CCDC32: variants seen among roughly 807,000 people sequenced by gnomAD.
The protein encoded by CCDC32 is coiled-coil domain containing 32, also known as coiled-coil domain-containing protein 32.
Under a neutral mutation model 20.1 loss-of-function variants are expected in CCDC32, and 9 were observed. The ratio of observed to expected loss-of-function variants is 0.45; its 90% CI spans 0.27 to 0.78. The LOEUF (loss-of-function observed/expected upper bound fraction) is 0.78, where lower values mean the gene tolerates loss of function less well. Among genes scored for constraint, CCDC32 ranks in the 30% least tolerant of loss-of-function variants. CCDC32 has a pLI of 0.16. For synonymous variants in CCDC32, 63 were observed against 79.0 expected, an observed-to-expected ratio of 0.80 and a Z score of 1.07; for missense variants, 204 against 215.5, an observed-to-expected ratio of 0.95 and a Z score of 0.33.
At chr15:40,557,031 T>G in intron 3 of CCDC32, 185 bp downstream of exon 3, 1 of 578,422 alleles carries the variant, frequency 1.7e-6, no homozygotes, top group Non-Finnish European at 2.9e-6. Context: ...TCAAGTTCAT[T>G]GCATACTTAA....
chr15:40,525,764 A>G (rs1016574858), downstream of CCDC32, among the ~76,000 whole-genome samples: 1 of 152,166 alleles, frequency 6.6e-6, no homozygotes, highest in African/African-American at 2.4e-5. Flanking sequence ...TTCAGGATTC[A>G]GCCACAGGTG....
At chr15:40,523,693 A>C (rs975902047), downstream of CCDC32, among the ~76,000 whole-genome samples, 2 of 152,330 alleles carry the variant, frequency 1.3e-5, no homozygotes, top group South Asian at 2.1e-4. Context: ...GTCAATAAAC[A>C]AATGAAAATA....
chr15:40,524,146 CTTTTTT>C (rs66753325), downstream of CCDC32, among the ~76,000 whole-genome samples: 2 of 89,176 alleles, frequency 2.2e-5, no homozygotes, highest in Non-Finnish European at 4.3e-5. Context: ...CATGCATAAT[CTTTTTT>C]TTTTTTTTTT....
downstream of CCDC32, among the ~76,000 whole-genome samples, chr15:40,533,538 G>A (rs943524700): frequency 4.6e-5 from 7 of 151,796 alleles, no homozygotes; most frequent in Non-Finnish European, 1.0e-4. Context: ...TAGAGACGGA[G>A]TTTCACCATA....
chr15:40,560,956 A>T (rs1890579512), intron 2 of CCDC32, among the ~76,000 whole-genome samples: 1 of 152,252 alleles, frequency 6.6e-6, no homozygotes, highest in Admixed American at 6.5e-5. Context: ...TATGGAACCA[A>T]CCTAAGTGCC....
At chr15:40,564,820 G>C (rs762080665) in intron 1 of CCDC32, 156 bp downstream of exon 1, 1 of 1,614,004 alleles carries the variant, frequency 6.2e-7, no homozygotes, top group Non-Finnish European at 8.5e-7. Flanking sequence ...AACCACGCAG[G>C]AAATTCCGGC....
At chr15:40,552,771 C>CAAAAAAAAAAAAAAAAAAAAAAAAAAA (rs10675441), downstream of CCDC32, 6 of 68,778 alleles carry the variant, frequency 8.7e-5, 3 homozygotes, top group Non-Finnish European at 1.1e-4. Context: ...AGTGCGACCT[C>CAAAAAAAAAAAAAAAAAAAAAAAAAAA]AAAAAAAAAA....
At chr15:40,561,256 C>T (rs1248703297) in intron 2 of CCDC32, among the ~76,000 whole-genome samples, 2 of 152,024 alleles carry the variant, frequency 1.3e-5, no homozygotes, top group African/African-American at 4.8e-5. Flanking sequence ...GGGTGGATCA[C>T]GAAGTCAGGA....
intron 2 of CCDC32, among the ~76,000 whole-genome samples, chr15:40,561,493 C>T (rs11629711): frequency 0.58 from 86,960 of 149,384 alleles, 25,516 homozygotes; most frequent in East Asian, 0.75. Flanking sequence ...AACAAAACAA[C>T]AACCAAAAAA....
At chr15:40,557,557 A>C in intron 2 of CCDC32, 185 bp from the exon 3 acceptor site, 1 of 552,402 alleles carries the variant, frequency 1.8e-6, no homozygotes, top group East Asian at 3.2e-5. Flanking sequence ...TTCCTTCACA[A>C]AGTCCTCACC....
the CCDC32 span, among the ~76,000 whole-genome samples, chr15:40,522,828 CTTTTT>C: frequency 1.5e-5 from 2 of 131,186 alleles, no homozygotes; most frequent in Non-Finnish European, 1.6e-5. Flanking sequence ...GTTTTCCTTT[CTTTTT>C]TTTTTTTTTT....
In CCDC32 at chr15:40,562,865, C is replaced by T. The variant is rs768320803; in HGVS notation, c.151G>A (p.Glu51Lys). ...DSFVDSCPEG[E>K]GQREVADFAV... ...AAGTCAGCCACCTCCCTCTGGCCTT[C>T]ACCTTCAGGGCAAGAATCCACAAAG... The change falls in exon 2 of 4, where the codon GAA (glutamate) becomes AAA (lysine). Residue 51 changes from glutamate (E) to lysine (K), a missense_variant. Glu to Lys is a moderately conservative substitution (Grantham distance 56). Transcript: ENST00000416810. 1.9e-6 allele frequency: 3 copies of T among 1,614,202 alleles called. No homozygotes were observed. In the South Asian group the frequency reaches 3.3e-5, roughly 18 times the overall value.
intron 2 of CCDC32, chr15:40,558,065 CTT>C (rs1167824595): frequency 6.6e-6 from 1 of 152,190 alleles, no homozygotes; most frequent in Non-Finnish European, 1.5e-5. Context: ...TTAAATTACT[CTT>C]GTTTGCATTT....
downstream of CCDC32, among the ~76,000 whole-genome samples, chr15:40,549,044 C>T (rs894480028): frequency 3.3e-5 from 5 of 152,102 alleles, no homozygotes; most frequent in Admixed American, 2.0e-4. Flanking sequence ...AAAGAAAAAC[C>T]ATTTCACATA....
chr15:40,556,477 T>C (rs1219014353), intron 3 of CCDC32: 1 of 152,226 alleles, frequency 6.6e-6, no homozygotes, highest in African/African-American at 2.4e-5. Flanking sequence ...TATCACACAG[T>C]GGATGCTTAA....
chr15:40,534,904 A>G (rs1254345784), downstream of CCDC32: 2 of 702,486 alleles, frequency 2.8e-6, no homozygotes, highest in Admixed American at 4.0e-5. Context: ...ATGGGCTCAG[A>G]ATGGTCTTGG....
rs1890023833 is a variant in CCDC32 at position 40,553,721 on chromosome 15, G to A, written c.*250C>T. On this transcript the variant is annotated 3_prime_UTR_variant, in exon 4 of 4. Coordinates refer to ENST00000416810, the MANE Select transcript of CCDC32 (RefSeq NM_001080792.4). ...CAGAGGAAAGCAGCATTTTGATCCAGTGTGCACTGGGTCAGTCACTTCATC... is the reference window on the plus strand; with the variant it reads ...CAGAGGAAAGCAGCATTTTGATCCAATGTGCACTGGGTCAGTCACTTCATC... 7.7e-7 allele frequency: 1 copy of A among 1,296,318 alleles called. No homozygotes were observed. Among genetic ancestry groups the A allele is most frequent in the Non-Finnish European group, 9.8e-7 (1 of 1,021,872 alleles). 80.3% of individuals were successfully genotyped at this position (1,296,318 alleles called of 1,614,324 possible). A position where few individuals can be genotyped will look rare whatever the true frequency, so the allele number is the denominator to read the frequency against.
At chr15:40,555,519 T>G (rs779584640) in intron 3 of CCDC32, among the ~76,000 whole-genome samples, 2 of 152,162 alleles carry the variant, frequency 1.3e-5, no homozygotes, top group Non-Finnish European at 2.9e-5. Flanking sequence ...TCTTCAAATC[T>G]CCTATGTTTG....
chr15:40,526,027 A>G (rs938787482), downstream of CCDC32, among the ~76,000 whole-genome samples: 8 of 150,946 alleles, frequency 5.3e-5, no homozygotes, highest in Admixed American at 5.3e-4. Context: ...TCCCACTGAG[A>G]GTGCAGACGA....
Sources: gnomAD v4.1 joint callset for allele counts (sites outside exome capture counted in the v4.1 genomes callset) on GRCh38, gnomAD v4.1.1 for gene constraint, MANE v1.5 for transcripts, NCBI Gene and HGNC (gene_info 2026-07-23, HGNC 2026-07-21) for gene names.